FAM185A: variants seen among roughly 807,000 people sequenced by gnomAD.
FAM185A encodes the protein family with sequence similarity 185 member A.
FAM185A carries 21 observed loss-of-function variants against 45.7 expected under a neutral mutation model. The observed-to-expected ratio is 0.46, with a 90% CI of 0.33 to 0.66. FAM185A has a LOEUF of 0.66. Among genes scored for constraint, FAM185A ranks in the 30% least tolerant of loss-of-function variants. FAM185A has a pLI of 0.03. For missense variants in FAM185A, 305 were observed against 485.4 expected, an observed-to-expected ratio of 0.63 and a Z score of 3.49; for synonymous variants, 117 against 194.0, an observed-to-expected ratio of 0.60 and a Z score of 3.30.
the FAM185A span, among the ~76,000 whole-genome samples, chr7:102,834,426 G>GTGTGATTATATATATTATATATA: frequency 7.0e-6 from 1 of 142,118 alleles, no homozygotes; most frequent in Non-Finnish European, 1.5e-5. Context: ...TTATATATAT[G>GTGTGATTATATATATTATATATA]TGTGATTATA....
chr7:102,777,842 T>G (rs1439949059), intron 6 of FAM185A, among the ~76,000 whole-genome samples: 10 of 152,080 alleles, frequency 6.6e-5, no homozygotes, highest in African/African-American at 2.4e-4. Context: ...TCAAGACTTA[T>G]GATATGTCTC....
the FAM185A span, among the ~76,000 whole-genome samples, chr7:102,824,491 CT>C: frequency 3.9e-5 from 6 of 151,948 alleles, no homozygotes; most frequent in Non-Finnish European, 8.8e-5. Flanking sequence ...TTTGCATCCT[CT>C]TTTTTTCTTT....
chr7:102,772,551 T>C, intron 5 of FAM185A, 101 bp downstream of exon 5: 1 of 668,124 alleles, frequency 1.5e-6, no homozygotes, highest in South Asian at 2.3e-5. Context: ...GTTTAACTGA[T>C]GAACTTGACA....
At chr7:102,827,270 C>A in the FAM185A span, 1 of 383,508 alleles carries the variant, frequency 2.6e-6, no homozygotes, top group Non-Finnish European at 5.7e-6. Context: ...CTAGGCCAAC[C>A]AGCTCTAAGG....
At chr7:102,848,551 G>A in the FAM185A span, among the ~76,000 whole-genome samples, 3 of 7,550 alleles carry the variant, frequency 4.0e-4, no homozygotes, top group Non-Finnish European at 5.6e-4. Flanking sequence ...GCGAGACTCC[G>A]TCTCAAAAAA....
At chr7:102,804,318 C>T (rs919616222) in intron 7 of FAM185A, among the ~76,000 whole-genome samples, 2 of 152,190 alleles carry the variant, frequency 1.3e-5, no homozygotes, top group Non-Finnish European at 2.9e-5. Flanking sequence ...CAGCATGGTA[C>T]TGGTATAATA....
At chr7:102,849,083 G>A in the FAM185A span, among the ~76,000 whole-genome samples, 15 of 152,040 alleles carry the variant, frequency 9.9e-5, no homozygotes, top group South Asian at 2.1e-4. Context: ...CTTCTAATAC[G>A]TCTGAACTGT....
chr7:102,800,772 T>C (rs1408781583), intron 7 of FAM185A, among the ~76,000 whole-genome samples: 4 of 152,142 alleles, frequency 2.6e-5, no homozygotes, highest in African/African-American at 9.7e-5. Context: ...TTGGTGTTCC[T>C]GAGGAAGAAG....
At chr7:102,784,852 G>A (rs1349239462) in intron 6 of FAM185A, among the ~76,000 whole-genome samples, 1 of 152,294 alleles carries the variant, frequency 6.6e-6, no homozygotes, top group East Asian at 1.9e-4. Context: ...GCAGGAGAAA[G>A]AAATAAAGGG....
chr7:102,831,394 G>GACACAC, the FAM185A span, among the ~76,000 whole-genome samples: 4,423 of 141,592 alleles, frequency 0.031, 114 homozygotes, highest in African/African-American at 0.072. Context: ...CAGTGCCCGG[G>GACACAC]ACACACACAC....
At chr7:102,843,456 C>A in the FAM185A span, among the ~76,000 whole-genome samples, 1,503 of 151,422 alleles carry the variant, frequency 9.9e-3, 22 homozygotes, top group African/African-American at 0.034. Context: ...AAAACAAAAA[C>A]AAAAAACAAA....
At chr7:102,767,162 T>G (rs1460077706) in intron 4 of FAM185A, among the ~76,000 whole-genome samples, 19 of 141,954 alleles carry the variant, frequency 1.3e-4, no homozygotes, top group Admixed American at 1.2e-3. Flanking sequence ...GTGCAAACCA[T>G]GTAGGTTTTT....
chr7:102,804,987 C>T (rs1007835834), intron 7 of FAM185A, among the ~76,000 whole-genome samples: 1 of 152,188 alleles, frequency 6.6e-6, no homozygotes, highest in Non-Finnish European at 1.5e-5. Flanking sequence ...ATGGTACCAC[C>T]TTACTCCTGC....
chr7:102,794,021 C>CG (rs1796298485), intron 7 of FAM185A, among the ~76,000 whole-genome samples: 1 of 120,268 alleles, frequency 8.3e-6, no homozygotes, highest in Non-Finnish European at 1.6e-5. Context: ...GCCTGGGTGA[C>CG]AGAGACTCTG....
At chr7:102,837,466 T>C in the FAM185A span, among the ~76,000 whole-genome samples, 23 of 152,376 alleles carry the variant, frequency 1.5e-4, 1 homozygote, top group East Asian at 4.0e-3. Flanking sequence ...ATGTGAGGGA[T>C]AAACTTTGGC....
chr7:102,778,421 C>A (rs1389447342), intron 6 of FAM185A, among the ~76,000 whole-genome samples: 2 of 152,266 alleles, frequency 1.3e-5, no homozygotes, highest in African/African-American at 4.8e-5. Flanking sequence ...TTACAAAGAT[C>A]CAAAGAGAAG....
the FAM185A span, among the ~76,000 whole-genome samples, chr7:102,833,271 A>T: frequency 1.3e-5 from 2 of 152,326 alleles, no homozygotes; most frequent in Non-Finnish European, 2.9e-5. Context: ...GTAGAAGAAA[A>T]GAAATCTGAG....
intron 2 of FAM185A, chr7:102,755,005 C>A: frequency 3.2e-6 from 1 of 315,658 alleles, no homozygotes; most frequent in Non-Finnish European, 5.7e-6. Flanking sequence ...GAACCTTAGA[C>A]CTCTTAGAAA....
the FAM185A span, among the ~76,000 whole-genome samples, chr7:102,850,012 GAAAA>G: frequency 7.1e-6 from 1 of 140,206 alleles, no homozygotes; most frequent in African/African-American, 2.7e-5. Flanking sequence ...TGTTTTTTTA[GAAAA>G]AAAAAAGAAA....
Sources: gnomAD v4.1 joint callset for allele counts (sites outside exome capture counted in the v4.1 genomes callset) on GRCh38, gnomAD v4.1.1 for gene constraint, MANE v1.5 for transcripts, NCBI Gene and HGNC (gene_info 2026-07-23, HGNC 2026-07-21) for gene names.